GNG4: variants seen among roughly 807,000 people sequenced by gnomAD.
GNG4 encodes G protein subunit gamma 4, also known as guanine nucleotide-binding protein G(I)/G(S)/G(O) subunit gamma-4.
A neutral mutation model predicts 5.8 loss-of-function variants in GNG4; 4 were observed. That is an observed-to-expected ratio of 0.69 (90% CI 0.34 to 1.57). GNG4 has a LOEUF of 1.57. GNG4 is among the 40% of genes most tolerant of loss of function. The pLI is 0.06. For synonymous variants in GNG4, 29 were observed against 32.9 expected (o/e 0.88, Z 0.41); for missense variants, 96 against 95.1 (o/e 1.01, Z -0.04).
rs558590331 is a variant in GNG4 at position 235,637,474 on chromosome 1, G to A, written c.-123+12188C>T. 1.4e-4 allele frequency among the ~76,000 whole-genome samples: 21 copies of A among 152,142 alleles called. No individual in the cohort carries two copies. The South Asian group carries it at 1.7e-3, about 12-fold the overall frequency. ...TCAAGACCAGCCTGGGCAACATGGC[G>A]AAACCCCTTCTCTACGAAAAATACA... On this transcript the variant is annotated intron_variant, in intron 1 of 3. Coordinates refer to ENST00000391854, the MANE Select transcript of GNG4 (RefSeq NM_001098722.2).
At chr1:235,593,893 A>C (rs187076750) in intron 2 of GNG4, among the ~76,000 whole-genome samples, 2 of 152,354 alleles carry the variant, frequency 1.3e-5, no homozygotes, top group Admixed American at 6.5e-5. Flanking sequence ...TGCAAAGAGC[A>C]AAAGAACAAA....
chr1:235,565,699 C>T (rs1687177156), intron 3 of GNG4: 1 of 152,202 alleles, frequency 6.6e-6, no homozygotes, highest in Non-Finnish European at 1.5e-5. Flanking sequence ...ACCCCCGTCT[C>T]TATTAAATTT....
chr1:235,574,102 T>A (rs568304782), intron 3 of GNG4, among the ~76,000 whole-genome samples: 415 of 152,210 alleles, frequency 2.7e-3, no homozygotes, highest in Non-Finnish European at 4.1e-3. Flanking sequence ...ATTTTAAAAA[T>A]AAACAAGTAC....
intron 1 of GNG4, among the ~76,000 whole-genome samples, chr1:235,628,293 C>T (rs1366759807): frequency 6.6e-6 from 1 of 152,046 alleles, no homozygotes; most frequent in Non-Finnish European, 1.5e-5. Context: ...AGAAAGAATT[C>T]AGAGTATCGG....
chr1:235,637,207 G>T (rs1657125465), intron 1 of GNG4, among the ~76,000 whole-genome samples: 1 of 152,126 alleles, frequency 6.6e-6, no homozygotes, highest in African/African-American at 2.4e-5. Context: ...AAAATACTTG[G>T]AATATAAATT....
At chr1:235,605,821 G>T (rs1434374964) in intron 1 of GNG4, among the ~76,000 whole-genome samples, 1 of 152,108 alleles carries the variant, frequency 6.6e-6, no homozygotes. Context: ...TCAGGGAGCA[G>T]ACCAGGAAGG....
At chr1:235,633,663 A>AT (rs1688977051) in intron 1 of GNG4, among the ~76,000 whole-genome samples, 1 of 152,008 alleles carries the variant, frequency 6.6e-6, no homozygotes, top group Non-Finnish European at 1.5e-5. Context: ...AATTTTTAAA[A>AT]TTTTTTGTAG....
intron 3 of GNG4, among the ~76,000 whole-genome samples, chr1:235,573,186 A>C (rs1383409058): frequency 6.6e-6 from 1 of 152,050 alleles, no homozygotes; most frequent in Non-Finnish European, 1.5e-5. Context: ...AGGGACATGG[A>C]TGAAGCTGGA....
At chr1:235,571,046 C>T (rs1006968389) in intron 3 of GNG4, among the ~76,000 whole-genome samples, 2 of 151,024 alleles carry the variant, frequency 1.3e-5, no homozygotes, top group Non-Finnish European at 2.9e-5. Context: ...GGCAAACCTC[C>T]TGCCTTGGCC....
chr1:235,575,286 C>T (rs1167975619), intron 3 of GNG4, among the ~76,000 whole-genome samples: 1 of 152,186 alleles, frequency 6.6e-6, no homozygotes, highest in African/African-American at 2.4e-5. Flanking sequence ...GGGGTCACAT[C>T]CGCATAAACC....
At chr1:235,617,337 C>T (rs755589681) in intron 1 of GNG4, among the ~76,000 whole-genome samples, 11 of 152,108 alleles carry the variant, frequency 7.2e-5, no homozygotes, top group African/African-American at 9.7e-5. Flanking sequence ...AGGGATCATC[C>T]GGAGTGGGAG....
intron 2 of GNG4, among the ~76,000 whole-genome samples, chr1:235,584,445 C>T (rs1207963319): frequency 2.6e-5 from 4 of 151,186 alleles, no homozygotes; most frequent in Non-Finnish European, 4.4e-5. Flanking sequence ...AATAAAATTG[C>T]TTTATTAATT....
Position 235,552,157 on chromosome 1 carries a change from T to G in GNG4, c.180A>C (p.Ala60=). 1 of 1,613,998 alleles carries G rather than the reference T, an allele frequency of 6.2e-7. No individual in the cohort carries two copies. Among genetic ancestry groups the G allele is most frequent in the South Asian group, 1.1e-5 (1 of 91,084 alleles). Residue 60 remains alanine (A), a synonymous_variant, in exon 4 of 4, where the codon GCA becomes GCC. Transcript: ENST00000391854. ...REDPLIIPVP[A]SENPFREKKF... ...TCTTCTCGCGAAAGGGGTTTTCTGA[T>G]GCAGGCACTGGAATGATGAGAGGAT...
At position 235,635,622 on chromosome 1, in the gene GNG4, G is replaced by A. The variant is rs956683752; in HGVS notation, c.-123+14040C>T. Among the ~76,000 whole-genome samples the A allele has an allele frequency of 6.9e-4, 13 of 18,738 alleles. 1 individual carries two copies. In the South Asian group the frequency reaches 0.011, roughly 16 times the overall value. The allele number at this position is 18,738 out of a possible 152,430, so 12.3% of individuals were successfully genotyped here. ...TGCTGGTGCCATGCTTGTACAACCTGCAGAACTGTCGGCTAAATAAACCTC... is the reference window on the plus strand; with the variant it reads ...TGCTGGTGCCATGCTTGTACAACCTACAGAACTGTCGGCTAAATAAACCTC... On this transcript the variant is annotated intron_variant, in intron 1 of 3. Coordinates refer to ENST00000391854, the MANE Select transcript of GNG4 (RefSeq NM_001098722.2).
In GNG4 at chr1:235,648,007, G is replaced by C. The variant is rs1381780267; in HGVS notation, c.-123+1655C>G. Among the ~76,000 whole-genome samples, 1 of 151,904 alleles carries C rather than the reference G, an allele frequency of 6.6e-6. No individual in the cohort carries two copies. Among genetic ancestry groups the C allele is most frequent in the African/African-American group, 2.4e-5 (1 of 41,212 alleles). ...TCACTTTTGCTTTAAAAACTGTAAA[G>C]TGAATCTAGGAAAAGCTTTTTTTTT... On this transcript the variant is annotated intron_variant, in intron 1 of 3. Coordinates refer to ENST00000391854, the MANE Select transcript of GNG4 (RefSeq NM_001098722.2). The surrounding 1 kb of genome is among the most constrained non-coding windows in gnomAD (Gnocchi z 5.0).
intron 2 of GNG4, among the ~76,000 whole-genome samples, chr1:235,584,281 A>G: frequency 6.6e-6 from 1 of 152,222 alleles, no homozygotes; most frequent in East Asian, 1.9e-4. Flanking sequence ...GCAAAGGAAG[A>G]AAGTGCAAAA....
At chr1:235,557,845 G>GAA (rs1307623017) in intron 3 of GNG4, among the ~76,000 whole-genome samples, 1 of 152,152 alleles carries the variant, frequency 6.6e-6, no homozygotes, top group Non-Finnish European at 1.5e-5. Context: ...CCATAGCAGA[G>GAA]TAACTTCTTC....
chr1:235,578,881 T>C (rs1275345442), intron 3 of GNG4, among the ~76,000 whole-genome samples: 4 of 152,194 alleles, frequency 2.6e-5, no homozygotes, highest in Non-Finnish European at 4.4e-5. Context: ...GCGGATCACC[T>C]GAGACCAGGA....
intron 3 of GNG4, among the ~76,000 whole-genome samples, chr1:235,573,552 C>T (rs558326058): frequency 8.6e-5 from 13 of 151,964 alleles, no homozygotes; most frequent in African/African-American, 2.4e-4. Flanking sequence ...CCGAGGTGGG[C>T]GGATCACGAA....
Sources: allele counts gnomAD v4.1 joint callset (sites outside exome capture counted in the v4.1 genomes callset), GRCh38; gene constraint gnomAD v4.1.1; non-coding constraint Gnocchi (gnomAD v3.1); transcripts MANE v1.5; gene names NCBI Gene and HGNC (gene_info 2026-07-23, HGNC 2026-07-21).